Variants in CCDC102B observed in about 807,000 individuals in gnomAD.
CCDC102B encodes the protein coiled-coil domain containing 102B.
Under a neutral mutation model 57.4 loss-of-function variants are expected in CCDC102B, and 75 were observed. The ratio of observed to expected loss-of-function variants is 1.31; its 90% CI spans 1.08 to 1.58. The LOEUF is 1.58. Among genes scored for constraint, CCDC102B ranks in the 40% most tolerant of loss-of-function variants. The pLI is 0.00. For missense variants in CCDC102B, 636 were observed against 582.6 expected (o/e 1.09, Z -0.94); for synonymous variants, 206 against 201.9 (o/e 1.02, Z -0.17).
chr18:68,958,489 T>C (rs912994232), intron 6 of CCDC102B, among the ~76,000 whole-genome samples: 1 of 152,140 alleles, frequency 6.6e-6, no homozygotes, highest in African/African-American at 2.4e-5. Context: ...TATCATTAAC[T>C]TCAGATAGCT....
chr18:68,786,013 T>C (rs2144646540), intron 2 of CCDC102B, among the ~76,000 whole-genome samples: 1 of 151,950 alleles, frequency 6.6e-6, no homozygotes, highest in Non-Finnish European at 1.5e-5. Context: ...GTATAAGGTG[T>C]AAGGAAGGGA....
chr18:68,776,359 G>A lies in CCDC102B; in HGVS notation c.-66-47007G>A, dbSNP rs539843487. 9.9e-5 allele frequency among the ~76,000 whole-genome samples: 15 copies of A among 152,128 alleles called. No homozygotes were observed. In the South Asian group the frequency reaches 1.7e-3, roughly 17 times the overall value. On this transcript the variant is annotated intron_variant, in intron 2 of 3. Coordinates refer to the CCDC102B transcript ENST00000578970. ...ATATTTTTAAGATATAAAGACACAC[G>A]CATGTGAGTGTTCCTTGTAGCACTC...
intron 6 of CCDC102B, among the ~76,000 whole-genome samples, chr18:68,967,990 G>A (rs2145250274): frequency 6.6e-6 from 1 of 152,190 alleles, no homozygotes; most frequent in Non-Finnish European, 1.5e-5. Context: ...CTACAAAAAT[G>A]TCAAAATTCA....
At chr18:68,928,317 A>G (rs1185455731) in intron 6 of CCDC102B, among the ~76,000 whole-genome samples, 1 of 151,948 alleles carries the variant, frequency 6.6e-6, no homozygotes, top group African/African-American at 2.4e-5. Flanking sequence ...ATGGGAAGGC[A>G]AAAGGCTATT....
intron 6 of CCDC102B, among the ~76,000 whole-genome samples, chr18:68,945,466 G>A (rs529932819): frequency 5.9e-5 from 9 of 152,064 alleles, no homozygotes; most frequent in Non-Finnish European, 1.2e-4. Flanking sequence ...GCCTGCCTAT[G>A]ATATAAAAAT....
At chr18:68,736,585 C>T (rs1399697046) in intron 2 of CCDC102B, among the ~76,000 whole-genome samples, 1 of 152,078 alleles carries the variant, frequency 6.6e-6, no homozygotes, top group African/African-American at 2.4e-5. Flanking sequence ...TATGTTTGTG[C>T]TGTGTTTTCT....
At chr18:68,796,910 C>T (rs1406694053), upstream of CCDC102B, among the ~76,000 whole-genome samples, 2 of 151,404 alleles carry the variant, frequency 1.3e-5, no homozygotes, top group African/African-American at 4.9e-5. Context: ...GGATGCAAGA[C>T]TAAATAAAAT....
chr18:68,730,589 G>C (rs1320022932), intron 2 of CCDC102B, among the ~76,000 whole-genome samples: 1 of 152,114 alleles, frequency 6.6e-6, no homozygotes, highest in African/African-American at 2.4e-5. Flanking sequence ...CAATTGACTA[G>C]AACACTTATG....
intron 2 of CCDC102B, among the ~76,000 whole-genome samples, chr18:68,774,068 G>A (rs938392932): frequency 6.6e-6 from 1 of 151,740 alleles, no homozygotes; most frequent in Admixed American, 6.6e-5. Context: ...TAAAAATTAG[G>A]CAGGTGGTTT....
In CCDC102B at chr18:68,749,762, C is replaced by G. The variant is rs1025516858; in HGVS notation, c.-67+33168C>G. Among the ~76,000 whole-genome samples the G allele has an allele frequency of 2.8e-4, 43 of 152,104 alleles. 2 individuals are homozygous for G. Among genetic ancestry groups the G allele is most frequent in the Admixed American group, 2.6e-3 (40 of 15,250 alleles). ...CTTCCTCTTTTCCTAATTGAATACC[C>G]TTTCTTTCTTTCTCCTGCCTGATTG... On this transcript the variant is annotated intron_variant, in intron 2 of 3. Coordinates refer to the CCDC102B transcript ENST00000578970.
chr18:68,969,478 C>CTTT (rs74175340), intron 6 of CCDC102B, among the ~76,000 whole-genome samples: 2 of 137,288 alleles, frequency 1.5e-5, no homozygotes, highest in African/African-American at 5.4e-5. Flanking sequence ...TCCTTTTAAT[C>CTTT]TTTTTTTTTT....
At chr18:69,043,271 C>G (rs184465866) in intron 7 of CCDC102B, among the ~76,000 whole-genome samples, 3 of 152,124 alleles carry the variant, frequency 2.0e-5, no homozygotes, top group East Asian at 1.9e-4. Flanking sequence ...GTAGATGGAA[C>G]GTACAATTGG....
chr18:68,849,829 G>A (rs1003682608), intron 4 of CCDC102B, among the ~76,000 whole-genome samples: 6 of 152,038 alleles, frequency 3.9e-5, no homozygotes, highest in Non-Finnish European at 8.8e-5. Context: ...GATTACTGTT[G>A]ACTCACATAT....
intron 4 of CCDC102B, among the ~76,000 whole-genome samples, chr18:68,862,037 T>C (rs2038783593): frequency 6.6e-6 from 1 of 152,226 alleles, no homozygotes; most frequent in African/African-American, 2.4e-5. Context: ...TCTCTAAATG[T>C]GTATGTTATA....
chr18:68,936,802 T>TAC (rs2049253197), intron 6 of CCDC102B, among the ~76,000 whole-genome samples: 1 of 150,588 alleles, frequency 6.6e-6, no homozygotes, highest in Non-Finnish European at 1.5e-5. Context: ...TACACATATA[T>TAC]ACATATATAC....
In CCDC102B at chr18:68,897,300, GAA is replaced by G. The variant is rs1247615430; in HGVS notation, c.1138_1139del (p.Asn380Ter). The G allele has an allele frequency of 6.2e-7, 1 of 1,613,050 alleles. No homozygotes were observed. The highest frequency in any genetic ancestry group is 1.7e-5 in the Admixed American group (1 of 59,918). On this transcript the variant is annotated frameshift_variant, in exon 6 of 8. Coordinates refer to ENST00000360242, the MANE Select transcript of CCDC102B (RefSeq NM_024781.3). LOFTEE classifies it high-confidence loss of function. Reference sequence around the variant, plus strand: ...AAGAGAAAAGCAGGGACTGGAGAGAGAAAATAGAAGGCTGAAGATCCAGGTGA... The same window carrying G: ...AAGAGAAAAGCAGGGACTGGAGAGAGAATAGAAGGCTGAAGATCCAGGTGA... The part of the protein sequence containing the change: ...LEREKQGLER[E>X]NRRLKIQVKE...
intron 5 of CCDC102B, among the ~76,000 whole-genome samples, chr18:68,891,242 A>C (rs943787119): frequency 2.0e-5 from 3 of 152,210 alleles, no homozygotes; most frequent in South Asian, 4.1e-4. Context: ...CTGAACATCT[A>C]TCCCACTGGA....
At chr18:68,790,538 G>C (rs539917702) in intron 2 of CCDC102B, among the ~76,000 whole-genome samples, 1 of 152,276 alleles carries the variant, frequency 6.6e-6, no homozygotes, top group African/African-American at 2.4e-5. Context: ...GTGGTGCGCC[G>C]TTTTTCAAGC....
chr18:69,030,950 G>T (rs1031871750), intron 7 of CCDC102B, among the ~76,000 whole-genome samples: 1 of 152,156 alleles, frequency 6.6e-6, no homozygotes, highest in Admixed American at 6.5e-5. Flanking sequence ...ACCATGTCCT[G>T]CCCAGTGTAT....
Sources: allele counts gnomAD v4.1 joint callset (sites outside exome capture counted in the v4.1 genomes callset), GRCh38; gene constraint gnomAD v4.1.1; transcripts MANE v1.5; gene names NCBI Gene and HGNC (gene_info 2026-07-23, HGNC 2026-07-21).